Variants in OR7E24 observed in about 807,000 individuals in gnomAD.
OR7E24 encodes olfactory receptor 7E24.
For missense variants in OR7E24, 385 were observed against 410.3 expected, an observed-to-expected ratio of 0.94 and a Z score of 0.53; for synonymous variants, 130 against 157.5, an observed-to-expected ratio of 0.83 and a Z score of 1.31.
At chr19:9,213,598 T>C in the OR7E24 span, 6 of 311,392 alleles carry the variant, frequency 1.9e-5, no homozygotes, top group Non-Finnish European at 3.6e-5. Flanking sequence ...ATTAGCTGGC[T>C]GTGGTGGCAC....
chr19:9,239,707 C>CTTTTTTTTTTTTTT, the OR7E24 span, among the ~76,000 whole-genome samples: 15 of 123,026 alleles, frequency 1.2e-4, no homozygotes, highest in African/African-American at 2.9e-4. Flanking sequence ...TTTTCTTTTT[C>CTTTTTTTTTTTTTT]TTTTTTTTTT....
chr19:9,247,622 G>A, upstream of OR7E24: 1 of 398,488 alleles, frequency 2.5e-6, no homozygotes. Flanking sequence ...TGTCAGCTCA[G>A]ACGACTGTGG....
the OR7E24 span, among the ~76,000 whole-genome samples, chr19:9,223,877 A>G: frequency 6.6e-6 from 1 of 151,376 alleles, no homozygotes; most frequent in Non-Finnish European, 1.5e-5. Flanking sequence ...TTCAGACTGA[A>G]TCTTGCTCTG....
the OR7E24 span, among the ~76,000 whole-genome samples, chr19:9,238,381 T>C: frequency 2.6e-5 from 4 of 152,202 alleles, no homozygotes; most frequent in Non-Finnish European, 4.4e-5. Flanking sequence ...TCCACATGCT[T>C]GTTGGCAGTT....
At chr19:9,248,795 G>A (rs146832496), upstream of OR7E24, among the ~76,000 whole-genome samples, 1,553 of 152,270 alleles carry the variant, frequency 0.01, 14 homozygotes, top group African/African-American at 0.02. Context: ...TTCAAAATGC[G>A]CTTCAGATGC....
upstream of OR7E24, chr19:9,247,447 G>A (rs80033558): frequency 8.9e-3 from 3,559 of 398,604 alleles, 111 homozygotes; most frequent in East Asian, 0.063. Flanking sequence ...AGCCTCCATC[G>A]TGCACCACAC....
At chr19:9,236,772 G>A in the OR7E24 span, among the ~76,000 whole-genome samples, 666 of 151,988 alleles carry the variant, frequency 4.4e-3, 8 homozygotes, top group African/African-American at 0.015. Flanking sequence ...GCTGACACGC[G>A]TCCTCGAAAA....
the OR7E24 span, chr19:9,214,205 T>C: frequency 6.2e-7 from 1 of 1,614,108 alleles, no homozygotes; most frequent in Non-Finnish European, 8.5e-7. Context: ...GGATCCCAGC[T>C]ACAGGAAACA....
upstream of OR7E24, among the ~76,000 whole-genome samples, chr19:9,246,170 A>G (rs2066129231): frequency 7.3e-6 from 1 of 137,478 alleles, no homozygotes; most frequent in South Asian, 2.4e-4. Context: ...CCCAGGTTCA[A>G]GCGATTCTTC....
the OR7E24 span, among the ~76,000 whole-genome samples, chr19:9,223,243 G>T: frequency 6.6e-6 from 1 of 152,136 alleles, no homozygotes; most frequent in African/African-American, 2.4e-5. Context: ...TTCTGCTATT[G>T]TCTCTTGCTG....
the OR7E24 span, among the ~76,000 whole-genome samples, chr19:9,238,514 G>A: frequency 6.6e-6 from 1 of 152,184 alleles, no homozygotes; most frequent in Non-Finnish European, 1.5e-5. Flanking sequence ...ACCCTTATCA[G>A]ATATATGCTT....
chr19:9,235,624 C>A, the OR7E24 span: 4 of 1,574,842 alleles, frequency 2.5e-6, no homozygotes, highest in Non-Finnish European at 3.5e-6. Context: ...GGTTCATATT[C>A]TACTGATGAA....
At chr19:9,250,872 G>A (rs149987958), upstream of OR7E24, 3 of 572,714 alleles carry the variant, frequency 5.2e-6, no homozygotes, top group African/African-American at 3.7e-5. Flanking sequence ...TCTAAGTTAA[G>A]TGTATACAGA....
the OR7E24 span, chr19:9,207,657 G>A: frequency 1.3e-5 from 2 of 152,308 alleles, no homozygotes; most frequent in East Asian, 3.9e-4. Context: ...AAGTAGCTAG[G>A]AGAGAAGATT....
chr19:9,241,104 T>C, the OR7E24 span, among the ~76,000 whole-genome samples: 1 of 152,092 alleles, frequency 6.6e-6, no homozygotes, highest in Non-Finnish European at 1.5e-5. Context: ...GCATGAGCCA[T>C]TGCGCCAGGC....
chr19:9,221,273 G>GA, the OR7E24 span, among the ~76,000 whole-genome samples: 5,810 of 107,480 alleles, frequency 0.054, 430 homozygotes, highest in African/African-American at 0.18. Flanking sequence ...CTCGTCTCAA[G>GA]AAAAAAAAAA....
the OR7E24 span, chr19:9,235,184 T>G: frequency 4.2e-6 from 6 of 1,428,158 alleles, no homozygotes; most frequent in Non-Finnish European, 5.9e-6. Flanking sequence ...GAATTCCTCC[T>G]CTTAGGACTC....
chr19:9,223,961 G>A, the OR7E24 span, among the ~76,000 whole-genome samples: 4 of 151,502 alleles, frequency 2.6e-5, no homozygotes, highest in Non-Finnish European at 4.4e-5. Flanking sequence ...AGCAATTATC[G>A]TGCCTCCGCC....
chr19:9,207,354 C>T, the OR7E24 span: 1 of 151,982 alleles, frequency 6.6e-6, no homozygotes, highest in Admixed American at 6.6e-5. Context: ...TACTATTCAG[C>T]CTTTAAGAAA....
Sources: gnomAD v4.1 joint callset for allele counts (sites outside exome capture counted in the v4.1 genomes callset) on GRCh38, gnomAD v4.1.1 for gene constraint, MANE v1.5 for transcripts, NCBI Gene and HGNC (gene_info 2026-07-23, HGNC 2026-07-21) for gene names.